The following UBE2D1 variants were observed in gnomAD, a reference collection of about 807,000 sequenced individuals.
The protein encoded by UBE2D1 is ubiquitin-conjugating enzyme E2 D1.
A neutral mutation model predicts 24.6 loss-of-function variants in UBE2D1; 9 were observed. The ratio of observed to expected loss-of-function variants is 0.37; its 90% confidence interval spans 0.22 to 0.64. The LOEUF (loss-of-function observed/expected upper bound fraction) is 0.64, where lower values mean the gene tolerates loss of function less well. Among genes scored for constraint, UBE2D1 ranks in the 30% least tolerant of loss-of-function variants. The pLI is 0.64. For synonymous variants in UBE2D1, 57 were observed against 57.6 expected (o/e 0.99, Z 0.04); for missense variants, 87 against 177.1 (o/e 0.49, Z 2.89).
At chr10:58,367,127 T>G (rs1164084576) in intron 5 of UBE2D1, among the ~76,000 whole-genome samples, 4 of 152,148 alleles carry the variant, frequency 2.6e-5, no homozygotes, top group Non-Finnish European at 5.9e-5. Context: ...AATCCACCTT[T>G]GGACTTGAAA....
rs561965305 is a variant in UBE2D1, at chr10:58,340,090, C to T, written c.24+4865C>T. ...CTAAATATAGATCAAATATTGCTGA[C>T]GAAAATTTAGTATCCAAATTGAGAT... On this transcript the variant is annotated intron_variant, in intron 1 of 6. Transcript: ENST00000373910. Among the ~76,000 whole-genome samples, 108 of 152,118 alleles carry T rather than the reference C, an allele frequency of 7.1e-4. 2 individuals carry two copies. The South Asian group carries it at 0.017, about 25-fold the overall frequency.
chr10:58,348,833 G>T (rs1358585020), intron 1 of UBE2D1, among the ~76,000 whole-genome samples: 5 of 152,150 alleles, frequency 3.3e-5, no homozygotes, highest in Non-Finnish European at 7.3e-5. Context: ...ATTAATGCAG[G>T]CCCCTTCTCT....
At chr10:58,339,305 C>T (rs888224376) in intron 1 of UBE2D1, among the ~76,000 whole-genome samples, 1 of 152,118 alleles carries the variant, frequency 6.6e-6, no homozygotes, top group African/African-American at 2.4e-5. Flanking sequence ...GGGTTTTCAC[C>T]ATGTTGGCCA....
chr10:58,365,628 C>G (rs10826173), intron 5 of UBE2D1, among the ~76,000 whole-genome samples: 80,128 of 151,926 alleles, frequency 0.53, 22,117 homozygotes, highest in African/African-American at 0.71. Context: ...ATAGGCATCT[C>G]AAGCCATTTT....
chr10:58,356,378 G>A (rs990688142), intron 1 of UBE2D1, among the ~76,000 whole-genome samples: 2 of 151,786 alleles, frequency 1.3e-5, no homozygotes, highest in African/African-American at 2.4e-5. Context: ...TGTATATTAC[G>A]TTCACTTAAC....
At chr10:58,342,064 G>A (rs1291931199) in intron 1 of UBE2D1, among the ~76,000 whole-genome samples, 1 of 152,144 alleles carries the variant, frequency 6.6e-6, no homozygotes, top group East Asian at 1.9e-4. Context: ...GAGAAGCTAA[G>A]GTTTTTCTGT....
In UBE2D1 at chr10:58,335,126, A is replaced by G; in HGVS notation, c.-76A>G. 1 of 1,489,876 alleles carries G rather than the reference A, an allele frequency of 6.7e-7. No individual in the cohort carries two copies. The highest frequency in any genetic ancestry group is 2.6e-5 in the East Asian group (1 of 38,902). The allele number at this position is 1,489,876 out of a possible 1,614,324, so 92.3% of individuals were successfully genotyped here. On this transcript the variant is annotated 5_prime_UTR_variant, in exon 1 of 7. Transcript: ENST00000373910. ...AGCCAGCCTAGCTGCCAGCGAGCCCAACCCGCGACGACCCACGCCCCTGAG... is the reference window on the plus strand; with the variant it reads ...AGCCAGCCTAGCTGCCAGCGAGCCCGACCCGCGACGACCCACGCCCCTGAG...
intron 1 of UBE2D1, among the ~76,000 whole-genome samples, chr10:58,338,125 G>A (rs981253146): frequency 6.6e-6 from 1 of 152,092 alleles, no homozygotes; most frequent in Admixed American, 6.5e-5. Context: ...AGGATTATAG[G>A]TGTGAGCCAC....
chr10:58,336,656 T>G (rs1398130621), intron 1 of UBE2D1, among the ~76,000 whole-genome samples: 1 of 152,226 alleles, frequency 6.6e-6, no homozygotes, highest in African/African-American at 2.4e-5. Flanking sequence ...AATACCCTAA[T>G]TTTGAAGCCT....
chr10:58,354,179 C>T (rs1840106147), intron 1 of UBE2D1, among the ~76,000 whole-genome samples: 1 of 152,118 alleles, frequency 6.6e-6, no homozygotes, highest in Non-Finnish European at 1.5e-5. Flanking sequence ...GAGATGTCCC[C>T]ATATTACATA....
Position 58,368,866 on chromosome 10 carries a change from G to T in UBE2D1, c.*101G>T. 1 of 699,516 alleles carries T rather than the reference G, an allele frequency of 1.4e-6. No homozygotes were observed. 43.3% of individuals were successfully genotyped at this position (699,516 alleles called of 1,614,324 possible). A position where few individuals can be genotyped will look rare whatever the true frequency, so the allele number is the denominator to read the frequency against. On this transcript the variant is annotated 3_prime_UTR_variant, in exon 7 of 7. Transcript: ENST00000373910. ...ACTGTTTACTGTTTCATTGTACCATGAAACCATTTGATTTTTACCCATTTT... is the reference window on the plus strand; with the variant it reads ...ACTGTTTACTGTTTCATTGTACCATTAAACCATTTGATTTTTACCCATTTT...
At chr10:58,340,161 C>T (rs1839947501) in intron 1 of UBE2D1, among the ~76,000 whole-genome samples, 1 of 152,102 alleles carries the variant, frequency 6.6e-6, no homozygotes, top group Non-Finnish European at 1.5e-5. Context: ...ACCTAGTATA[C>T]AAATCTAAAT....
intron 3 of UBE2D1, among the ~76,000 whole-genome samples, chr10:58,363,038 T>C (rs1004403889): frequency 6.6e-6 from 1 of 152,112 alleles, no homozygotes; most frequent in African/African-American, 2.4e-5. Flanking sequence ...TAATTTTGTT[T>C]TGGATTTTTT....
intron 5 of UBE2D1, among the ~76,000 whole-genome samples, chr10:58,367,402 T>C (rs1840267725): frequency 6.6e-6 from 1 of 152,192 alleles, no homozygotes; most frequent in Admixed American, 6.5e-5. Context: ...TTTTAAAATA[T>C]GCAAGCTATA....
At chr10:58,350,022 G>A (rs912794972) in intron 1 of UBE2D1, among the ~76,000 whole-genome samples, 1 of 152,108 alleles carries the variant, frequency 6.6e-6, no homozygotes, top group Non-Finnish European at 1.5e-5. Flanking sequence ...CGAGTTGTTC[G>A]TTCTACTGTT....
intron 1 of UBE2D1, among the ~76,000 whole-genome samples, chr10:58,336,665 C>T (rs1383872094): frequency 6.6e-6 from 1 of 152,166 alleles, no homozygotes; most frequent in Non-Finnish European, 1.5e-5. Context: ...ATTTTGAAGC[C>T]TTAGCATCTT....
intron 6 of UBE2D1, chr10:58,368,223 AGTATATACTCTGTATTTGAAAAATAGAT>A: frequency 2.2e-6 from 1 of 460,938 alleles, no homozygotes. Context: ...ACTGTTCAAT[AGTATATACTCTGTATTTGAAAAATAGAT>A]GTATATATTC....
intron 5 of UBE2D1, among the ~76,000 whole-genome samples, chr10:58,365,099 C>T (rs1840241031): frequency 1.3e-5 from 2 of 152,106 alleles, no homozygotes; most frequent in African/African-American, 4.8e-5. Flanking sequence ...TGAGAAAAAA[C>T]CTTAAAATAT....
intron 1 of UBE2D1, among the ~76,000 whole-genome samples, chr10:58,352,766 G>T (rs1344736517): frequency 6.6e-6 from 1 of 151,954 alleles, no homozygotes; most frequent in Non-Finnish European, 1.5e-5. Flanking sequence ...TCATATATCA[G>T]TTTCTATTTT....
Sources: gnomAD v4.1 joint callset for allele counts (sites outside exome capture counted in the v4.1 genomes callset) on GRCh38, gnomAD v4.1.1 for gene constraint, MANE v1.5 for transcripts, NCBI Gene and HGNC (gene_info 2026-07-23, HGNC 2026-07-21) for gene names.